The following NR5A1 variants were observed in gnomAD, a reference collection of about 807,000 sequenced individuals.
NR5A1 encodes steroidogenic factor 1.
Under a neutral mutation model 42.7 loss-of-function variants are expected in NR5A1, and 6 were observed. The ratio of observed to expected loss-of-function variants is 0.14; its 90% confidence interval spans 0.08 to 0.28. The LOEUF is 0.28. Ranked by LOEUF, NR5A1 falls within the 10% of genes least tolerant of loss-of-function variation. NR5A1 has a pLI of 1.00. For missense variants in NR5A1, 442 were observed against 626.4 expected (o/e 0.71, Z 3.14); for synonymous variants, 274 against 277.5 (o/e 0.99, Z 0.12).
At position 124,482,219 on chromosome 9, in the gene NR5A1, A is replaced by G. The variant is rs372393345; in HGVS notation, c.*539T>C. ...GTCTCCTAGTGTCCTCTAGGGCCCA[A>G]TAGCCCCTCTCAATTTAGCAAACTC... On this transcript the variant is annotated 3_prime_UTR_variant, in exon 7 of 7. Coordinates refer to ENST00000373588, the MANE Select transcript of NR5A1 (RefSeq NM_004959.5). 2.3e-4 allele frequency: 47 copies of G among 201,716 alleles called. 1 individual carries two copies. The East Asian group carries it at 5.1e-3, about 22-fold the overall frequency. The allele number at this position is 201,716 out of a possible 1,614,324, so 12.5% of individuals were successfully genotyped here.
chr9:124,485,695 G>A (rs1386517425), intron 6 of NR5A1, among the ~76,000 whole-genome samples: 1 of 152,168 alleles, frequency 6.6e-6, no homozygotes, highest in Non-Finnish European at 1.5e-5. Context: ...ACGCCTCCTG[G>A]CCCAGGTGCT....
At chr9:124,484,249 T>C (rs1169560184) in intron 6 of NR5A1, among the ~76,000 whole-genome samples, 1 of 152,136 alleles carries the variant, frequency 6.6e-6, no homozygotes, top group Non-Finnish European at 1.5e-5. Context: ...AAGCCAAAGC[T>C]CATGAGTCAG....
intron 1 of NR5A1, among the ~76,000 whole-genome samples, chr9:124,506,111 C>T (rs1202023453): frequency 1.3e-5 from 2 of 152,246 alleles, no homozygotes; most frequent in Non-Finnish European, 2.9e-5. Context: ...GGAGCTGGGC[C>T]TGGGGCCTGC....
intron 6 of NR5A1, among the ~76,000 whole-genome samples, chr9:124,489,238 C>T (rs1166568560): frequency 6.6e-6 from 1 of 152,332 alleles, no homozygotes; most frequent in East Asian, 1.9e-4. Context: ...TGATAGCCCA[C>T]CCTCCACCTA....
intron 6 of NR5A1, among the ~76,000 whole-genome samples, chr9:124,489,474 TTCA>T (rs1832270099): frequency 6.6e-6 from 1 of 152,156 alleles, no homozygotes; most frequent in Admixed American, 6.5e-5. Flanking sequence ...CGTATGAAAG[TTCA>T]TCGTTTGCAC....
chr9:124,485,166 G>A (rs985094928), intron 6 of NR5A1, among the ~76,000 whole-genome samples: 9 of 152,006 alleles, frequency 5.9e-5, no homozygotes, highest in African/African-American at 2.2e-4. Context: ...TTTCTAGGAG[G>A]TGCCCAGCCT....
intron 3 of NR5A1, among the ~76,000 whole-genome samples, chr9:124,502,878 G>C (rs1450128032): frequency 6.6e-6 from 1 of 152,184 alleles, no homozygotes; most frequent in South Asian, 2.1e-4. Context: ...CCCAACCCAG[G>C]CTGGCCTTGC....
At chr9:124,493,899 C>A (rs1317552921) in intron 4 of NR5A1, among the ~76,000 whole-genome samples, 1 of 152,200 alleles carries the variant, frequency 6.6e-6, no homozygotes, top group African/African-American at 2.4e-5. Flanking sequence ...AGAAGCAGAG[C>A]CAGGGATCCC....
At chr9:124,506,019 G>T (rs931378987) in intron 1 of NR5A1, among the ~76,000 whole-genome samples, 2 of 152,242 alleles carry the variant, frequency 1.3e-5, no homozygotes, top group African/African-American at 4.8e-5. Flanking sequence ...GGAAAATACC[G>T]CAATTTTGCA....
chr9:124,487,210 T>G (rs1158158227), intron 6 of NR5A1, among the ~76,000 whole-genome samples: 1 of 152,232 alleles, frequency 6.6e-6, no homozygotes, highest in East Asian at 1.9e-4. Context: ...ATGGTTTAAT[T>G]GAATATTTGA....
chr9:124,499,471 A>G (rs775820132), intron 4 of NR5A1, among the ~76,000 whole-genome samples: 7 of 152,218 alleles, frequency 4.6e-5, no homozygotes, highest in Non-Finnish European at 7.3e-5. Context: ...CAGCATACGC[A>G]AGATTTGCAG....
At chr9:124,499,645 G>A (rs538501887) in intron 4 of NR5A1, among the ~76,000 whole-genome samples, 13 of 152,318 alleles carry the variant, frequency 8.5e-5, no homozygotes, top group Non-Finnish European at 1.0e-4. Context: ...ACACTAGGCT[G>A]AAGCCTGGGG....
intron 6 of NR5A1, among the ~76,000 whole-genome samples, chr9:124,484,080 C>A: frequency 6.6e-6 from 1 of 152,276 alleles, no homozygotes; most frequent in Middle Eastern, 3.4e-3. Flanking sequence ...AATCACCTGA[C>A]GCAAGCCTAT....
Position 124,503,318 on chromosome 9 carries a change from T to A in NR5A1, c.78A>T (p.Gly26=). 1.2e-6 allele frequency: 2 copies of A among 1,611,730 alleles called. No individual in the cohort carries two copies. Among genetic ancestry groups the A allele is most frequent in the Non-Finnish European group, 1.7e-6 (2 of 1,179,494 alleles). Residue 26 remains glycine (G), a synonymous_variant, in exon 2 of 7, where the codon GGA becomes GGT. Coordinates refer to ENST00000373588, the MANE Select transcript of NR5A1 (RefSeq NM_004959.5). The surrounding 1 kb of genome is among the most constrained non-coding windows in gnomAD (Gnocchi z 9.6). ...CCTTGCAGCTCTCACACGTGAGCAG[T>A]CCGTAGTGGTAGCCGGACACCTTGT... is the stretch of plus-strand genomic sequence containing the variant. ...CGDKVSGYHY[G]LLTCESCKGF... is the part of the protein sequence containing the mutation.
chr9:124,499,678 C>T (rs1832436760), intron 4 of NR5A1, among the ~76,000 whole-genome samples: 1 of 152,160 alleles, frequency 6.6e-6, no homozygotes, highest in Non-Finnish European at 1.5e-5. Context: ...CTCCCAAGGA[C>T]TCAGCTAGTC....
intron 1 of NR5A1, among the ~76,000 whole-genome samples, chr9:124,505,808 C>G (rs1190585926): frequency 6.6e-6 from 1 of 152,160 alleles, no homozygotes; most frequent in East Asian, 1.9e-4. Flanking sequence ...GCTGGGCGGT[C>G]TTGGGGACAA....
chr9:124,490,702 G>A (rs1425243354), intron 6 of NR5A1, among the ~76,000 whole-genome samples: 3 of 152,074 alleles, frequency 2.0e-5, no homozygotes, highest in Non-Finnish European at 4.4e-5. Context: ...GCAATTTCTC[G>A]GTGCCTGTTT....
At position 124,482,742 on chromosome 9, in the gene NR5A1, C is replaced by T. The variant is rs766512961; in HGVS notation, c.*16G>A. 2.0e-6 allele frequency: 3 copies of T among 1,533,684 alleles called. No homozygotes were observed. The highest frequency in any genetic ancestry group is 2.4e-5 in the South Asian group (2 of 83,282). On this transcript the variant is annotated 3_prime_UTR_variant, in exon 7 of 7. Transcript: ENST00000373588. ...CCAGTCCCGCCCCCAGTCCCGGCCCCGCCCCCGGCCCAGGCTCAAGTCTGC... is the reference window on the plus strand; with the variant it reads ...CCAGTCCCGCCCCCAGTCCCGGCCCTGCCCCCGGCCCAGGCTCAAGTCTGC...
In NR5A1 at chr9:124,482,619, A is replaced by C. The variant is rs1832144209; in HGVS notation, c.*139T>G. On this transcript the variant is annotated 3_prime_UTR_variant, in exon 7 of 7. Transcript: ENST00000373588. The stretch of plus-strand genomic sequence containing the variant: ...ACACACAGTGTCAGAACTCAGGGGC[A>C]GCGGCCTCTGGGACGGGGCTGGGGC... 2 of 990,346 alleles carry C rather than the reference A, an allele frequency of 2.0e-6. No homozygotes were observed. The highest frequency in any genetic ancestry group is 3.0e-6 in the Non-Finnish European group (2 of 665,232). The allele number at this position is 990,346 out of a possible 1,614,324, so 61.3% of individuals were successfully genotyped here.
Sources: allele counts gnomAD v4.1 joint callset (sites outside exome capture counted in the v4.1 genomes callset), GRCh38; gene constraint gnomAD v4.1.1; non-coding constraint Gnocchi (gnomAD v3.1); transcripts MANE v1.5; gene names NCBI Gene and HGNC (gene_info 2026-07-23, HGNC 2026-07-21).